Variants in H6PD observed in about 807,000 individuals in gnomAD.
H6PD encodes GDH/6PGL endoplasmic bifunctional protein.
A neutral mutation model predicts 61.2 loss-of-function variants in H6PD; 48 were observed. The observed-to-expected ratio is 0.78, with a 90% CI of 0.62 to 1.00. H6PD has a LOEUF of 1.00. Ranked by LOEUF, H6PD falls within the 50% of genes least tolerant of loss-of-function variation. H6PD has a pLI of 0.00. For missense variants in H6PD, 1,093 were observed against 1,065.0 expected (o/e 1.03, Z -0.37); for synonymous variants, 480 against 457.9 (o/e 1.05, Z -0.62).
intron 3 of H6PD, among the ~76,000 whole-genome samples, chr1:9,260,358 G>A (rs1216769370): frequency 1.3e-5 from 2 of 151,718 alleles, no homozygotes; most frequent in African/African-American, 4.8e-5. Flanking sequence ...TGTTACACTG[G>A]TGTTGCATTG....
chr1:9,252,818 C>T (rs1178510411), intron 3 of H6PD, among the ~76,000 whole-genome samples: 1 of 151,150 alleles, frequency 6.6e-6, no homozygotes, highest in Non-Finnish European at 1.5e-5. Context: ...ACAGCCATGG[C>T]CCCCCTGCTT....
intron 3 of H6PD, 126 bp downstream of exon 3, chr1:9,247,209 G>T: frequency 2.7e-6 from 2 of 753,274 alleles, no homozygotes; most frequent in East Asian, 5.3e-5. Flanking sequence ...AGCCTGCCGT[G>T]TGCCTAGCTC....
At chr1:9,236,189 C>T (rs986325487) in intron 1 of H6PD, among the ~76,000 whole-genome samples, 1 of 152,140 alleles carries the variant, frequency 6.6e-6, no homozygotes, top group East Asian at 1.9e-4. Flanking sequence ...CAGGGTTTCA[C>T]TATGTTATCC....
At chr1:9,263,170 TC>T (rs1401781735) in intron 4 of H6PD, among the ~76,000 whole-genome samples, 3 of 151,764 alleles carry the variant, frequency 2.0e-5, no homozygotes, top group Non-Finnish European at 4.4e-5. Flanking sequence ...AGAGTCAGGG[TC>T]CCCCACCCCA....
chr1:9,237,236 C>CT (rs370751354), intron 1 of H6PD, among the ~76,000 whole-genome samples: 1,920 of 70,938 alleles, frequency 0.027, 401 homozygotes, highest in African/African-American at 0.04. Flanking sequence ...TTTGACTTCT[C>CT]TTTTTTTTTT....
At chr1:9,261,376 C>T (rs1259398492) in intron 3 of H6PD, among the ~76,000 whole-genome samples, 1 of 152,120 alleles carries the variant, frequency 6.6e-6, no homozygotes, top group Non-Finnish European at 1.5e-5. Context: ...ACCTGAGGGT[C>T]CCTGCAGCTG....
chr1:9,235,217 G>A (rs2100296371), intron 1 of H6PD, among the ~76,000 whole-genome samples, 151 bp downstream of exon 1: 1 of 152,030 alleles, frequency 6.6e-6, no homozygotes, highest in South Asian at 2.1e-4. Flanking sequence ...CTCAGGAGGC[G>A]GCCAGGCTCC....
rs576234492 is a variant in H6PD at position 9,264,380 on chromosome 1, G to A, written c.1887G>A (p.Pro629=). ...AGCGCTGCGTCCCACTCTCAGACCC[G>A]GAGTCCAACTTCCAGGGCCTGCAGG... ...VDERCVPLSD[P]ESNFQGLQAH... The change falls in exon 5 of 5, where the codon CCG becomes CCA. Residue 629 remains proline (P), a synonymous_variant. Coordinates refer to ENST00000377403, the MANE Select transcript of H6PD (RefSeq NM_004285.4). 82 of 1,612,934 alleles carry A rather than the reference G, an allele frequency of 5.1e-5. No homozygotes were observed. The highest frequency in any genetic ancestry group is 1.7e-4 in the Admixed American group (10 of 60,026).
Position 9,264,049 on chromosome 1 carries a change from G to T in H6PD, c.1556G>T (p.Arg519Leu). Residue 519 changes from arginine to leucine, a missense_variant, in exon 5 of 5, where the codon CGG becomes CTG. Coordinates refer to ENST00000377403, the MANE Select transcript of H6PD (RefSeq NM_004285.4). ...RLLDFEFSSG[R>L]LFFSQQQPEQ... ...TTGGACTTTGAGTTCAGTAGCGGCC[G>T]GTTGTTCTTTTCCCAGCAGCAGCCG... is the stretch of plus-strand genomic sequence containing the variant. The T allele has an allele frequency of 1.2e-6, 2 of 1,614,188 alleles. No individual in the cohort carries two copies. Among genetic ancestry groups the T allele is most frequent in the Non-Finnish European group, 1.7e-6 (2 of 1,180,044 alleles).
At chr1:9,255,926 C>G (rs1641503363) in intron 3 of H6PD, among the ~76,000 whole-genome samples, 1 of 152,190 alleles carries the variant, frequency 6.6e-6, no homozygotes. Context: ...TCACACCGTT[C>G]TGTTGTAGGG....
At chr1:9,236,211 G>C (rs1209280837) in intron 1 of H6PD, among the ~76,000 whole-genome samples, 2 of 152,052 alleles carry the variant, frequency 1.3e-5, no homozygotes, top group African/African-American at 2.4e-5. Flanking sequence ...GGCTTGTCTT[G>C]AACTGCTGAC....
rs1268977428 is a variant in H6PD, at chr1:9,234,794, G to T, written c.-283G>T. 6.8e-6 allele frequency: 1 copy of T among 146,570 alleles called. No homozygotes were observed. Among genetic ancestry groups the T allele is most frequent in the Admixed American group, 6.8e-5 (1 of 14,792 alleles). The allele number at this position is 146,570 out of a possible 1,614,324, so 9.1% of individuals were successfully genotyped here. A position where few individuals can be genotyped will look rare whatever the true frequency, so the allele number is the denominator to read the frequency against. On this transcript the variant is annotated 5_prime_UTR_variant, in exon 1 of 5. Coordinates refer to ENST00000377403, the MANE Select transcript of H6PD (RefSeq NM_004285.4). ...GCCCCAGTCTTGCTGAGCGCAAGGC[G>T]GTGGAGGCCTGAGGCCTGAGGCCTG...
chr1:9,262,019 CT>C (rs765793234), intron 3 of H6PD, 39 bp from the exon 4 acceptor site: 74 of 1,609,932 alleles, frequency 4.6e-5, no homozygotes, highest in Admixed American at 6.7e-5. Context: ...GTTCTGGCCT[CT>C]CTTTAGATCC....
In H6PD at chr1:9,263,580, G is replaced by A; in HGVS notation, c.1087G>A (p.Asp363Asn). ...CATCCTGATGTCTGGCAAAGCCTTG[G>A]ACGAGAGAGTGGGCTACGCTCGGAT... ...PFILMSGKAL[D>N]ERVGYARILF... Residue 363 changes from aspartate (D) to asparagine (N), a missense_variant, in exon 5 of 5, where the codon GAC becomes AAC. Coordinates refer to ENST00000377403, the MANE Select transcript of H6PD (RefSeq NM_004285.4). 1 of 1,614,234 alleles carries A rather than the reference G, an allele frequency of 6.2e-7. No homozygotes were observed. The highest frequency in any genetic ancestry group is 8.5e-7 in the Non-Finnish European group (1 of 1,180,018).
At chr1:9,258,977 A>G (rs539686778) in intron 3 of H6PD, among the ~76,000 whole-genome samples, 4 of 151,966 alleles carry the variant, frequency 2.6e-5, no homozygotes, top group Non-Finnish European at 4.4e-5. Flanking sequence ...CTGTTGTTAC[A>G]CTGATGTTTT....
chr1:9,244,250 T>A (rs982383223), intron 1 of H6PD, among the ~76,000 whole-genome samples: 1 of 152,204 alleles, frequency 6.6e-6, no homozygotes, highest in Admixed American at 6.5e-5. Context: ...TTTATCCTTA[T>A]AACAACTCTG....
chr1:9,264,396 G>A lies in H6PD; in HGVS notation c.1903G>A (p.Gly635Ser), dbSNP rs972442659. The A allele has an allele frequency of 1.2e-6, 2 of 1,613,050 alleles. No individual in the cohort carries two copies. Among genetic ancestry groups the A allele is most frequent in the Non-Finnish European group, 1.7e-6 (2 of 1,179,964 alleles). ...PLSDPESNFQ[G>S]LQAHLLQHVR... ...CTCAGACCCGGAGTCCAACTTCCAG[G>A]GCCTGCAGGCCCACCTGCTGCAGCA... Residue 635 changes from glycine to serine, a missense_variant, in exon 5 of 5, where the codon GGC (glycine) becomes AGC (serine). Physicochemically the swap from Gly to Ser is moderately conservative, Grantham distance 56 (BLOSUM62 0). Transcript: ENST00000377403.
rs1638729485 is a variant in H6PD, at chr1:9,270,947, C to CTTTTTTTTTTGTTT, written c.*6088_*6089insGTTTTTTTTTTTTT. 1 of 140,112 alleles carries CTTTTTTTTTTGTTT rather than the reference C, an allele frequency of 7.1e-6. No homozygotes were observed. 8.7% of individuals were successfully genotyped at this position (140,112 alleles called of 1,614,324 possible). A position where few individuals can be genotyped will look rare whatever the true frequency, so the allele number is the denominator to read the frequency against. On this transcript the variant is annotated 3_prime_UTR_variant, in exon 5 of 5. Transcript: ENST00000377403. Reference sequence around the variant, plus strand: ...TGATGAGGCACATTCAGAACAAATGCTTTTTTTTTTTTGAGACAGAGTCTC... The same window carrying CTTTTTTTTTTGTTT: ...TGATGAGGCACATTCAGAACAAATGCTTTTTTTTTTGTTTTTTTTTTTTTTTGAGACAGAGTCTC...
In H6PD at chr1:9,263,891, C is replaced by T. The variant is rs35301166; in HGVS notation, c.1398C>T (p.Phe466=). 3.4e-3 allele frequency: 5,533 copies of T among 1,614,138 alleles called. 177 individuals carry two copies. The African/African-American group carries it at 0.065, about 19-fold the overall frequency. The change falls in exon 5 of 5, where the codon TTC becomes TTT. Residue 466 remains phenylalanine (F), a synonymous_variant. Coordinates refer to ENST00000377403, the MANE Select transcript of H6PD (RefSeq NM_004285.4). ...ACTCCGTCCTCTTATCCCATATCTT[C>T]CATGGCCGGAAGAATTTCTTCATCA... ...DAHSVLLSHI[F]HGRKNFFITT... is the part of the protein sequence containing the mutation.
Sources: allele counts gnomAD v4.1 joint callset (sites outside exome capture counted in the v4.1 genomes callset), GRCh38; gene constraint gnomAD v4.1.1; transcripts MANE v1.5; gene names NCBI Gene and HGNC (gene_info 2026-07-23, HGNC 2026-07-21).